LDLRAD3: variants seen among roughly 807,000 people sequenced by gnomAD.
The protein encoded by LDLRAD3 is low-density lipoprotein receptor class A domain-containing protein 3.
LDLRAD3 carries 20 observed loss-of-function variants against 29.4 expected under a neutral mutation model. The ratio of observed to expected loss-of-function variants is 0.68; its 90% CI spans 0.48 to 0.99. The LOEUF (loss-of-function observed/expected upper bound fraction) is 0.99, where lower values mean the gene tolerates loss of function less well. LDLRAD3 is among the 50% of genes least tolerant of loss of function. LDLRAD3 has a pLI of 0.00. For synonymous variants in LDLRAD3, 157 were observed against 192.7 expected, an observed-to-expected ratio of 0.81 and a Z score of 1.53; for missense variants, 420 against 454.3, an observed-to-expected ratio of 0.92 and a Z score of 0.69.
At chr11:36,176,794 T>A (rs2133353535) in intron 4 of LDLRAD3, among the ~76,000 whole-genome samples, 1 of 152,316 alleles carries the variant, frequency 6.6e-6, no homozygotes, top group East Asian at 1.9e-4. Context: ...TGTGTCTAGG[T>A]GATTATCTTT....
chr11:36,209,610 G>A (rs563241588), intron 4 of LDLRAD3, among the ~76,000 whole-genome samples: 10 of 151,938 alleles, frequency 6.6e-5, no homozygotes, highest in African/African-American at 1.2e-4. Flanking sequence ...CACCTGCCTC[G>A]GCCTCCCAAA....
chr11:35,982,735 T>C (rs1418787122), intron 1 of LDLRAD3, among the ~76,000 whole-genome samples: 1 of 152,084 alleles, frequency 6.6e-6, no homozygotes, highest in Non-Finnish European at 1.5e-5. Flanking sequence ...ACAGCTCAGC[T>C]CTCTCTAAGG....
chr11:36,009,032 T>G (rs1327017779), intron 1 of LDLRAD3, among the ~76,000 whole-genome samples: 9 of 152,254 alleles, frequency 5.9e-5, no homozygotes, highest in African/African-American at 1.9e-4. Flanking sequence ...GATATCTCCC[T>G]CCTTTGTATT....
chr11:36,032,030 C>T (rs1565173873), intron 1 of LDLRAD3, among the ~76,000 whole-genome samples: 1 of 152,188 alleles, frequency 6.6e-6, no homozygotes, highest in Non-Finnish European at 1.5e-5. Flanking sequence ...CCTGTGTCCT[C>T]ACATGGTCTT....
chr11:36,029,744 C>T (rs183195537), intron 1 of LDLRAD3, among the ~76,000 whole-genome samples: 4 of 152,168 alleles, frequency 2.6e-5, no homozygotes, highest in Non-Finnish European at 4.4e-5. Flanking sequence ...TTTACTAACT[C>T]GCTTTGTAAG....
intron 4 of LDLRAD3, among the ~76,000 whole-genome samples, chr11:36,145,424 G>A (rs1184565156): frequency 9.1e-6 from 1 of 110,018 alleles, no homozygotes; most frequent in Non-Finnish European, 1.9e-5. Flanking sequence ...CCATCCGGGA[G>A]GTGAGGGGCG....
At chr11:36,178,078 G>A (rs958518154) in intron 4 of LDLRAD3, among the ~76,000 whole-genome samples, 11 of 152,186 alleles carry the variant, frequency 7.2e-5, no homozygotes, top group African/African-American at 2.7e-4. Flanking sequence ...TAAAGTTCAC[G>A]ATGTGAGTTT....
chr11:36,043,723 G>A (rs1022073034), intron 2 of LDLRAD3, among the ~76,000 whole-genome samples: 1 of 152,186 alleles, frequency 6.6e-6, no homozygotes, highest in Non-Finnish European at 1.5e-5. Flanking sequence ...TCTCGTATGA[G>A]TGAGATGTCC....
chr11:36,037,671 A>T (rs1852322142), intron 2 of LDLRAD3, among the ~76,000 whole-genome samples: 1 of 152,136 alleles, frequency 6.6e-6, no homozygotes, highest in African/African-American at 2.4e-5. Flanking sequence ...CTGTTGACGC[A>T]TGGGAACGGG....
At chr11:36,157,173 G>A (rs1039836827) in intron 4 of LDLRAD3, among the ~76,000 whole-genome samples, 3 of 152,172 alleles carry the variant, frequency 2.0e-5, no homozygotes, top group East Asian at 3.9e-4. Context: ...TGCTGTAAGG[G>A]GCTGATGGGG....
At chr11:36,177,696 C>T (rs928553416) in intron 4 of LDLRAD3, among the ~76,000 whole-genome samples, 4 of 152,140 alleles carry the variant, frequency 2.6e-5, no homozygotes, top group Admixed American at 6.6e-5. Context: ...GTCTCTCAGC[C>T]GTGGATACCA....
intron 4 of LDLRAD3, among the ~76,000 whole-genome samples, chr11:36,164,747 T>C (rs1326013065): frequency 6.6e-6 from 1 of 152,256 alleles, no homozygotes; most frequent in Non-Finnish European, 1.5e-5. Context: ...TGCAGTGTTT[T>C]GGACAGAGAT....
chr11:36,169,710 G>A (rs879490542), intron 4 of LDLRAD3, among the ~76,000 whole-genome samples: 7 of 152,126 alleles, frequency 4.6e-5, no homozygotes, highest in Non-Finnish European at 7.3e-5. Context: ...CCATTGATGG[G>A]CACTTATGTT....
chr11:36,017,285 G>A (rs1852035006), intron 1 of LDLRAD3, among the ~76,000 whole-genome samples: 1 of 152,134 alleles, frequency 6.6e-6, no homozygotes, highest in Admixed American at 6.5e-5. Flanking sequence ...AGCTTTCTGG[G>A]GCATTTTTCT....
intron 4 of LDLRAD3, among the ~76,000 whole-genome samples, chr11:36,188,423 G>T (rs1277061393): frequency 3.4e-5 from 5 of 148,342 alleles, no homozygotes; most frequent in African/African-American, 9.9e-5. Context: ...AGAACAAATG[G>T]GTGAGCTATG....
intron 1 of LDLRAD3, among the ~76,000 whole-genome samples, chr11:36,031,891 C>G (rs1852239887): frequency 6.6e-6 from 1 of 152,338 alleles, no homozygotes; most frequent in South Asian, 2.1e-4. Context: ...GCAAAGTCCA[C>G]AGACTGGGTG....
At chr11:36,223,849 C>G (rs1054366256) in intron 4 of LDLRAD3, among the ~76,000 whole-genome samples, 2 of 151,876 alleles carry the variant, frequency 1.3e-5, no homozygotes, top group African/African-American at 4.8e-5. Flanking sequence ...CTTTCTACCC[C>G]CAGTTGCGAG....
chr11:36,005,951 C>G (rs1851879957), intron 1 of LDLRAD3, among the ~76,000 whole-genome samples: 1 of 152,158 alleles, frequency 6.6e-6, no homozygotes, highest in South Asian at 2.1e-4. Flanking sequence ...AGGGGGAAAT[C>G]CATCCCCATG....
intron 1 of LDLRAD3, among the ~76,000 whole-genome samples, chr11:35,996,682 T>G (rs1281009067): frequency 1.3e-5 from 2 of 152,150 alleles, no homozygotes; most frequent in Admixed American, 1.3e-4. Context: ...GGTCTGTTCT[T>G]TAGATCAATA....
Sources: allele counts gnomAD v4.1 joint callset (sites outside exome capture counted in the v4.1 genomes callset), GRCh38; gene constraint gnomAD v4.1.1; transcripts MANE v1.5; gene names NCBI Gene and HGNC (gene_info 2026-07-23, HGNC 2026-07-21).